TASP1: variants seen among roughly 807,000 people sequenced by gnomAD.
TASP1 encodes the protein threonine aspartase 1.
TASP1 carries 16 observed loss-of-function variants against 56.6 expected under a neutral mutation model. That is an observed-to-expected ratio of 0.28 (90% CI 0.19 to 0.43). The LOEUF (loss-of-function observed/expected upper bound fraction) is 0.43. TASP1 is among the 20% of genes least tolerant of loss of function. The pLI is 1.00. For missense variants in TASP1, 393 were observed against 511.6 expected, an observed-to-expected ratio of 0.77 and a Z score of 2.24; for synonymous variants, 179 against 184.2, an observed-to-expected ratio of 0.97 and a Z score of 0.23.
the TASP1 span, among the ~76,000 whole-genome samples, chr20:13,381,341 C>A: frequency 6.6e-6 from 1 of 152,206 alleles, no homozygotes; most frequent in Non-Finnish European, 1.5e-5. Context: ...AGTTCTCCAA[C>A]CCTTTGCACT....
the TASP1 span, among the ~76,000 whole-genome samples, chr20:13,133,279 T>G: frequency 6.6e-6 from 1 of 152,330 alleles, no homozygotes; most frequent in East Asian, 1.9e-4. Flanking sequence ...CCCAGAGATT[T>G]CTGCATGACA....
chr20:13,463,598 A>G (rs925018661), intron 11 of TASP1, among the ~76,000 whole-genome samples: 15 of 152,162 alleles, frequency 9.9e-5, no homozygotes, highest in Non-Finnish European at 2.1e-4. Context: ...ATATCTGTAA[A>G]TCACATATCT....
intron 10 of TASP1, among the ~76,000 whole-genome samples, chr20:13,492,771 ATT>A (rs1364645292): frequency 2.6e-5 from 4 of 152,136 alleles, no homozygotes; most frequent in Admixed American, 2.6e-4. Flanking sequence ...AGGCTTTTCA[ATT>A]TTTTCTGTGA....
intron 11 of TASP1, among the ~76,000 whole-genome samples, chr20:13,465,952 T>C (rs901424654): frequency 5.9e-5 from 9 of 152,108 alleles, no homozygotes; most frequent in Non-Finnish European, 1.2e-4. Flanking sequence ...AACTCACACA[T>C]GATAAAACTG....
intron 11 of TASP1, among the ~76,000 whole-genome samples, chr20:13,459,920 A>G (rs758071351): frequency 6.6e-6 from 1 of 152,066 alleles, no homozygotes; most frequent in Non-Finnish European, 1.5e-5. Flanking sequence ...GTCCTGTATT[A>G]TTTGCTCTAA....
At chr20:13,282,933 G>A in the TASP1 span, among the ~76,000 whole-genome samples, 3 of 152,336 alleles carry the variant, frequency 2.0e-5, no homozygotes, top group Middle Eastern at 3.4e-3. Flanking sequence ...ATGAATGAAT[G>A]AGTGATCATT....
intron 10 of TASP1, among the ~76,000 whole-genome samples, chr20:13,509,228 C>G (rs1365948942): frequency 6.6e-6 from 1 of 151,202 alleles, no homozygotes; most frequent in Admixed American, 6.6e-5. Context: ...TAGAGGATAT[C>G]AGGCTAAGTG....
the TASP1 span, among the ~76,000 whole-genome samples, chr20:13,268,114 G>GTCTTCTCTCC: frequency 7.1e-6 from 1 of 140,392 alleles, no homozygotes. Context: ...CTCCTCTCCT[G>GTCTTCTCTCC]TCTTCTCTTC....
chr20:13,373,789 C>A, the TASP1 span, among the ~76,000 whole-genome samples: 2 of 152,116 alleles, frequency 1.3e-5, no homozygotes, highest in African/African-American at 2.4e-5. Context: ...TGTTTTCCAG[C>A]AAATTTGGGG....
At chr20:13,234,975 C>T in the TASP1 span, among the ~76,000 whole-genome samples, 1 of 152,196 alleles carries the variant, frequency 6.6e-6, no homozygotes, top group Admixed American at 6.5e-5. Flanking sequence ...TTGAGAAACA[C>T]TGGTCTACAT....
intron 10 of TASP1, among the ~76,000 whole-genome samples, chr20:13,487,247 T>C (rs1445372432): frequency 1.3e-5 from 2 of 152,176 alleles, no homozygotes; most frequent in African/African-American, 4.8e-5. Context: ...CAGGCTGTTA[T>C]TGAGTCCCTA....
At chr20:13,174,103 T>TA in the TASP1 span, among the ~76,000 whole-genome samples, 1 of 152,154 alleles carries the variant, frequency 6.6e-6, no homozygotes, top group Non-Finnish European at 1.5e-5. Flanking sequence ...CGTCCAGCCT[T>TA]CAATGTGTAT....
the TASP1 span, among the ~76,000 whole-genome samples, chr20:13,200,041 T>A: frequency 6.6e-6 from 1 of 152,364 alleles, no homozygotes; most frequent in East Asian, 1.9e-4. Flanking sequence ...AAGTTTCTCC[T>A]AATACACATA....
chr20:13,585,139 C>T (rs1019006729), intron 5 of TASP1, among the ~76,000 whole-genome samples: 5 of 152,034 alleles, frequency 3.3e-5, no homozygotes, highest in Non-Finnish European at 7.4e-5. Flanking sequence ...GGGCAATGGA[C>T]CATTTGGATA....
At chr20:13,541,059 G>C (rs117760887) in intron 8 of TASP1, among the ~76,000 whole-genome samples, 1,700 of 152,212 alleles carry the variant, frequency 0.011, 20 homozygotes, top group Middle Eastern at 0.024. Context: ...GAGATATTAA[G>C]AGACATGGCT....
chr20:13,541,739 G>A (rs928134703), intron 8 of TASP1, among the ~76,000 whole-genome samples: 4 of 152,090 alleles, frequency 2.6e-5, no homozygotes, highest in African/African-American at 9.6e-5. Context: ...TTGAATGGAT[G>A]AATAAATAAA....
At chr20:13,138,307 G>C in the TASP1 span, among the ~76,000 whole-genome samples, 3 of 152,076 alleles carry the variant, frequency 2.0e-5, no homozygotes, top group East Asian at 5.8e-4. Flanking sequence ...TCTGCAGGCA[G>C]CTTTTCCTCT....
the TASP1 span, among the ~76,000 whole-genome samples, chr20:13,306,162 G>C: frequency 2.2e-4 from 34 of 152,264 alleles, no homozygotes; most frequent in Non-Finnish European, 4.3e-4. Context: ...TGTCATATTT[G>C]AATTGGGAAA....
the TASP1 span, among the ~76,000 whole-genome samples, chr20:13,196,500 T>C: frequency 3.3e-5 from 5 of 152,154 alleles, no homozygotes; most frequent in Non-Finnish European, 5.9e-5. Context: ...ATTATTTGGG[T>C]AGTAGAAAGA....
Sources: gnomAD v4.1 joint callset for allele counts (sites outside exome capture counted in the v4.1 genomes callset) on GRCh38, gnomAD v4.1.1 for gene constraint, MANE v1.5 for transcripts, NCBI Gene and HGNC (gene_info 2026-07-23, HGNC 2026-07-21) for gene names.